Variants in ZZEF1 observed in about 807,000 individuals in gnomAD.
ZZEF1 encodes the protein zinc finger ZZ-type and EF-hand domain containing 1.
ZZEF1 carries 157 observed loss-of-function variants against 342.8 expected under a neutral mutation model. The ratio of observed to expected loss-of-function variants is 0.46; its 90% CI spans 0.40 to 0.52. The LOEUF is 0.52. ZZEF1 is among the 20% of genes least tolerant of loss of function. The pLI, the probability that ZZEF1 is intolerant of heterozygous loss-of-function variation, is 0.00. For synonymous variants in ZZEF1, 1,505 were observed against 1,429.1 expected (o/e 1.05, Z -1.20); for missense variants, 3,480 against 3,725.6 (o/e 0.93, Z 1.72).
intron 52 of ZZEF1, among the ~76,000 whole-genome samples, chr17:4,012,119 C>T (rs2055977419): frequency 6.6e-6 from 1 of 152,240 alleles, no homozygotes; most frequent in South Asian, 2.1e-4. Context: ...TTCTTTCCTG[C>T]TGCAGGCAAG....
At chr17:4,115,602 T>C (rs1296200474) in intron 3 of ZZEF1, among the ~76,000 whole-genome samples, 2 of 152,050 alleles carry the variant, frequency 1.3e-5, no homozygotes, top group African/African-American at 4.8e-5. Context: ...GGTGAAGGTT[T>C]CGGTGAGCCG....
rs890726721 is a variant in ZZEF1 at position 4,044,384 on chromosome 17, C to T, written c.6016-10G>A. ...GAACAGCTCTCTTTCCCTAAAAAAA[C>T]AAAAGTGTAAAAGAATTAAGGTTTC... On this transcript the variant is annotated splice_polypyrimidine_tract_variant and intron_variant, in intron 37 of 54. Transcript: ENST00000381638. 1.1e-5 allele frequency: 17 copies of T among 1,601,250 alleles called. No homozygotes were observed. The African/African-American group carries it at 1.9e-4, about 18-fold the overall frequency.
chr17:4,029,041 G>A (rs2056478596), intron 42 of ZZEF1, among the ~76,000 whole-genome samples: 1 of 152,140 alleles, frequency 6.6e-6, no homozygotes, highest in Non-Finnish European at 1.5e-5. Context: ...CCTCTCTCAG[G>A]AATTGTTAGA....
chr17:4,123,307 A>ATC (rs2058519435), intron 2 of ZZEF1, among the ~76,000 whole-genome samples: 2 of 125,342 alleles, frequency 1.6e-5, no homozygotes, highest in African/African-American at 2.9e-5. Flanking sequence ...ATATATATAT[A>ATC]TATCAGAAAA....
intron 38 of ZZEF1, 114 bp from the exon 39 acceptor site, chr17:4,042,682 C>A: frequency 8.3e-7 from 1 of 1,198,218 alleles, no homozygotes; most frequent in Non-Finnish European, 1.1e-6. Flanking sequence ...GGATTTTATT[C>A]ATTTATTTTT....
At chr17:4,035,086 G>T (rs1227127037) in intron 39 of ZZEF1, among the ~76,000 whole-genome samples, 5 of 152,096 alleles carry the variant, frequency 3.3e-5, no homozygotes, top group Admixed American at 1.3e-4. Flanking sequence ...TTAAATAGTT[G>T]TTTTTCTTTC....
At chr17:4,056,744 G>A (rs545251655) in intron 32 of ZZEF1, 3 of 152,218 alleles carry the variant, frequency 2.0e-5, no homozygotes, top group African/African-American at 7.2e-5. Context: ...AGTACGAGAA[G>A]GGAATCAGGA....
intron 9 of ZZEF1, among the ~76,000 whole-genome samples, chr17:4,098,968 A>C (rs1042567857): frequency 2.0e-5 from 3 of 152,224 alleles, no homozygotes; most frequent in Non-Finnish European, 4.4e-5. Flanking sequence ...TCTATGTAAA[A>C]GAAATCTATG....
intron 52 of ZZEF1, 71 bp from the exon 53 acceptor site, chr17:4,009,828 A>T: frequency 6.5e-7 from 1 of 1,542,272 alleles, no homozygotes; most frequent in Non-Finnish European, 8.8e-7. Flanking sequence ...TACAGCTGGC[A>T]GGAACCACAG....
chr17:4,064,000 T>C (rs2057337831), intron 29 of ZZEF1, among the ~76,000 whole-genome samples: 1 of 151,994 alleles, frequency 6.6e-6, no homozygotes, highest in Non-Finnish European at 1.5e-5. Context: ...ATTGCTGGGA[T>C]TACAGGCGTG....
At chr17:4,065,564 T>C (rs912710042) in intron 28 of ZZEF1, among the ~76,000 whole-genome samples, 2 of 152,170 alleles carry the variant, frequency 1.3e-5, no homozygotes, top group Non-Finnish European at 2.9e-5. Flanking sequence ...TTTTCAAACA[T>C]GTATATAGAG....
intron 34 of ZZEF1, among the ~76,000 whole-genome samples, chr17:4,053,444 G>A (rs763052966): frequency 5.9e-5 from 9 of 152,080 alleles, no homozygotes; most frequent in South Asian, 2.1e-4. Context: ...CCTCCTTCAC[G>A]AGCCTTCCCT....
In ZZEF1 at chr17:4,074,313, G is replaced by T. The variant is rs141574542; in HGVS notation, c.3522C>A (p.Leu1174=). The change falls in exon 24 of 55, where the codon CTC becomes CTA. Residue 1174 remains leucine, a synonymous_variant. Transcript: ENST00000381638. ...CGTTGTGACTGCTGTCAGAGTGAAA[G>T]AGGAACTGCAACCGAGGACCGGCCT... ...TFKAGPRLQF[L]FHSDSSHNEW... The T allele has an allele frequency of 6.2e-7, 1 of 1,614,176 alleles. No homozygotes were observed. Among genetic ancestry groups the T allele is most frequent in the African/African-American group, 1.3e-5 (1 of 75,022 alleles).
Position 4,014,056 on chromosome 17 carries a change from C to T in ZZEF1, c.8413+34G>A. The T allele has an allele frequency of 1.3e-6, 2 of 1,593,622 alleles. No individual in the cohort carries two copies. Among genetic ancestry groups the T allele is most frequent in the Non-Finnish European group, 1.7e-6 (2 of 1,161,832 alleles). On this transcript the variant is annotated intron_variant, in intron 51 of 54. Transcript: ENST00000381638. This position sits in a 1 kb window ranked among gnomAD's most constrained non-coding sequence, Gnocchi z 4.4. ...ACAGCCATGGAGTGTCCCTGGCAGG[C>T]AGATGGTGTGAACGCAAAGCCCAGA...
rs779877541 is a variant in ZZEF1, at chr17:4,016,603, C to T, written c.8002-137G>A. 7 of 948,874 alleles carry T rather than the reference C, an allele frequency of 7.4e-6. No individual in the cohort carries two copies. Among genetic ancestry groups the T allele is most frequent in the Non-Finnish European group, 1.5e-6 (1 of 656,038 alleles). 58.8% of individuals were successfully genotyped at this position (948,874 alleles called of 1,614,324 possible). A position where few individuals can be genotyped will look rare whatever the true frequency, so the allele number is the denominator to read the frequency against. On this transcript the variant is annotated intron_variant, in intron 48 of 54. Coordinates refer to ENST00000381638, the MANE Select transcript of ZZEF1 (RefSeq NM_015113.4). This position sits in a 1 kb window ranked among gnomAD's most constrained non-coding sequence, Gnocchi z 4.4. ...GGACGAGCCTCTGTGACTCCACCAC[C>T]CAAAACCAACTCCACCAGCCACCTC...
intron 6 of ZZEF1, among the ~76,000 whole-genome samples, chr17:4,108,675 C>T (rs892027027): frequency 6.6e-6 from 1 of 152,208 alleles, no homozygotes; most frequent in Non-Finnish European, 1.5e-5. Context: ...GCAGCAGGAA[C>T]GATGGGGCAC....
At position 4,131,829 on chromosome 17, in the gene ZZEF1, G is replaced by T. The variant is rs1055746604; in HGVS notation, c.355-7778C>A. On this transcript the variant is annotated intron_variant, in intron 1 of 54. Transcript: ENST00000381638. ...GTACTATATGGCACAGCAATGTAAA[G>T]AACTTACATAATCATAATAAGGTAA... Among the ~76,000 whole-genome samples, 9 of 152,156 alleles carry T rather than the reference G, an allele frequency of 5.9e-5. No homozygotes were observed. In the East Asian group the frequency reaches 1.7e-3, roughly 29 times the overall value.
At chr17:4,124,199 AT>A in intron 1 of ZZEF1, 148 bp from the exon 2 acceptor site, 2 of 1,036,250 alleles carry the variant, frequency 1.9e-6, no homozygotes, top group Non-Finnish European at 2.7e-6. Context: ...CCAAAGATAA[AT>A]TTAGAACAGG....
At chr17:4,056,559 T>C (rs1268852704) in intron 32 of ZZEF1, among the ~76,000 whole-genome samples, 2 of 152,154 alleles carry the variant, frequency 1.3e-5, no homozygotes, top group African/African-American at 4.8e-5. Flanking sequence ...GAGTAGACTA[T>C]AAGGGATGAG....
Sources: allele counts gnomAD v4.1 joint callset (sites outside exome capture counted in the v4.1 genomes callset), GRCh38; gene constraint gnomAD v4.1.1; non-coding constraint Gnocchi (gnomAD v3.1); transcripts MANE v1.5; gene names NCBI Gene and HGNC (gene_info 2026-07-23, HGNC 2026-07-21).